Variants in NCBP1 observed in about 807,000 individuals in gnomAD.
NCBP1 encodes nuclear cap binding protein subunit 1.
Under a neutral mutation model 111.7 loss-of-function variants are expected in NCBP1, and 16 were observed. The observed-to-expected ratio is 0.14, with a 90% CI of 0.10 to 0.22. NCBP1 has a LOEUF of 0.22. NCBP1 is among the 10% of genes least tolerant of loss of function. The pLI, the probability that NCBP1 is intolerant of heterozygous loss-of-function variation, is 1.00. For synonymous variants in NCBP1, 304 were observed against 314.3 expected (o/e 0.97, Z 0.35); for missense variants, 607 against 957.5 (o/e 0.63, Z 4.83).
At chr9:97,640,116 A>G (rs2131332996) in intron 1 of NCBP1, among the ~76,000 whole-genome samples, 1 of 152,218 alleles carries the variant, frequency 6.6e-6, no homozygotes, top group Admixed American at 6.5e-5. Flanking sequence ...CGTTCCCATT[A>G]TTTAGGATAA....
At chr9:97,648,980 G>T (rs1397740973) in intron 8 of NCBP1, among the ~76,000 whole-genome samples, 1 of 152,112 alleles carries the variant, frequency 6.6e-6, no homozygotes, top group Non-Finnish European at 1.5e-5. Context: ...GGGCTTACAG[G>T]CATGAGCCAC....
chr9:97,670,335 T>C (rs997349966), intron 22 of NCBP1, among the ~76,000 whole-genome samples: 1 of 152,218 alleles, frequency 6.6e-6, no homozygotes, highest in Non-Finnish European at 1.5e-5. Flanking sequence ...TGTTATCCAA[T>C]GTGCAGGTGG....
chr9:97,654,424 T>A (rs987964620), intron 11 of NCBP1, among the ~76,000 whole-genome samples: 2 of 152,188 alleles, frequency 1.3e-5, no homozygotes, highest in African/African-American at 2.4e-5. Context: ...TATTATGGGA[T>A]TGCAGCAATT....
rs886804288 is a variant in NCBP1 at position 97,671,385 on chromosome 9, C to T, written c.*186C>T. Reference sequence around the variant, plus strand: ...GCCCTGAAAAGCAAATACTTCCTAACGGCAGTAATGTGACTATGACCATGA... The same window carrying T: ...GCCCTGAAAAGCAAATACTTCCTAATGGCAGTAATGTGACTATGACCATGA... On this transcript the variant is annotated 3_prime_UTR_variant, in exon 23 of 23. Transcript: ENST00000375147. The T allele has an allele frequency of 2.6e-5, 14 of 532,766 alleles. No individual in the cohort carries two copies. Among genetic ancestry groups the T allele is most frequent in the East Asian group, 1.3e-4 (4 of 31,642 alleles). 33.0% of individuals were successfully genotyped at this position (532,766 alleles called of 1,614,324 possible).
rs559748676 is a variant in NCBP1, at chr9:97,644,176, C to G, written c.381+816C>G. Among the ~76,000 whole-genome samples, 5 of 152,192 alleles carry G rather than the reference C, an allele frequency of 3.3e-5. No individual in the cohort carries two copies. The South Asian group carries it at 1.0e-3, about 32-fold the overall frequency. On this transcript the variant is annotated intron_variant, in intron 4 of 22. Coordinates refer to ENST00000375147, the MANE Select transcript of NCBP1 (RefSeq NM_002486.5). ...TGTGTTGAAGATATGTGATCAAATT[C>G]TTTTTTACTGAGTACACAATCAAAA... is the stretch of plus-strand genomic sequence containing the variant.
intron 1 of NCBP1, among the ~76,000 whole-genome samples, chr9:97,638,719 C>T (rs879259613): frequency 1.2e-4 from 18 of 152,094 alleles, no homozygotes; most frequent in Non-Finnish European, 2.2e-4. Flanking sequence ...ACATTCTTGG[C>T]CAGTTATTTG....
chr9:97,646,630 G>GT (rs959673927), intron 6 of NCBP1, among the ~76,000 whole-genome samples: 2 of 152,100 alleles, frequency 1.3e-5, no homozygotes, highest in African/African-American at 4.8e-5. Context: ...GAGGTCAGGA[G>GT]TTTGAGACCA....
At chr9:97,640,661 G>C (rs551676757) in intron 1 of NCBP1, 133 bp from the exon 2 acceptor site, 2 of 627,790 alleles carry the variant, frequency 3.2e-6, no homozygotes, top group Non-Finnish European at 5.4e-6. Flanking sequence ...GAGAAATGGA[G>C]GGTCTGTGAA....
intron 15 of NCBP1, among the ~76,000 whole-genome samples, chr9:97,659,619 T>A (rs1827774029): frequency 6.6e-6 from 1 of 152,208 alleles, no homozygotes; most frequent in African/African-American, 2.4e-5. Context: ...AATTCAGGCG[T>A]AGGTGCACTA....
intron 1 of NCBP1, among the ~76,000 whole-genome samples, chr9:97,636,637 C>CATATATATATATATATAT (rs377027165): frequency 3.6e-5 from 4 of 111,272 alleles, no homozygotes; most frequent in East Asian, 3.0e-4. Flanking sequence ...GAAAGTAATA[C>CATATATATATATATATAT]ATATATATAT....
In NCBP1 at chr9:97,669,625, A is replaced by G. The variant is rs897598359; in HGVS notation, c.2178A>G (p.Val726=). 1 of 1,612,500 alleles carries G rather than the reference A, an allele frequency of 6.2e-7. No individual in the cohort carries two copies. The highest frequency in any genetic ancestry group is 8.5e-7 in the Non-Finnish European group (1 of 1,178,690). ...RFIMILTEHL[V]RCETDGTSVL... is the part of the protein sequence containing the mutation. The stretch of plus-strand genomic sequence containing the variant: ...TCATGATCTTGACCGAGCACCTAGT[A>G]CGATGCGAAACTGATGGGACCAGTG... The change falls in exon 22 of 23, where the codon GTA becomes GTG. Residue 726 remains valine, a synonymous_variant. Transcript: ENST00000375147.
chr9:97,660,830 G>C, intron 15 of NCBP1, 116 bp from the exon 16 acceptor site: 2 of 1,202,756 alleles, frequency 1.7e-6, no homozygotes, highest in Admixed American at 5.0e-5. Flanking sequence ...GGGATAAAGA[G>C]CATCCTATTT....
Position 97,673,475 on chromosome 9 carries a change from T to C in NCBP1, c.*2276T>C, listed in dbSNP as rs1828258791. On this transcript the variant is annotated 3_prime_UTR_variant, in exon 23 of 23. Transcript: ENST00000375147. ...TTGTAGGTTTTAATTTCTTTTCTCT[T>C]GGTCCTCTCTTCATGTATAATGGTT... The C allele has an allele frequency of 6.6e-6, 1 of 152,212 alleles. No individual in the cohort carries two copies. Among genetic ancestry groups the C allele is most frequent in the African/African-American group, 2.4e-5 (1 of 41,454 alleles). The allele number at this position is 152,212 out of a possible 1,614,324, so 9.4% of individuals were successfully genotyped here.
intron 11 of NCBP1, 54 bp downstream of exon 11, chr9:97,653,962 T>G (rs1457393372): frequency 1.4e-6 from 2 of 1,455,322 alleles, no homozygotes; most frequent in Non-Finnish European, 1.9e-6. Flanking sequence ...CTTAAAAGAT[T>G]ATTAAATATT....
chr9:97,636,269 A>T (rs1478609440), intron 1 of NCBP1, among the ~76,000 whole-genome samples: 11 of 151,998 alleles, frequency 7.2e-5, no homozygotes, highest in African/African-American at 1.9e-4. Flanking sequence ...TCTATTTTTT[A>T]AAAAATAAAT....
At chr9:97,637,519 G>A (rs1310371609) in intron 1 of NCBP1, among the ~76,000 whole-genome samples, 4 of 152,146 alleles carry the variant, frequency 2.6e-5, no homozygotes, top group African/African-American at 9.7e-5. Context: ...TTAGAATTAG[G>A]TCCTTGTCTT....
rs759500235 is a variant in NCBP1 at position 97,653,915 on chromosome 9, TTTTC to T, written c.1170+11_1170+14del. On this transcript the variant is annotated splice_region_variant and intron_variant, in intron 11 of 22. Transcript: ENST00000375147. ...TGGCTCTCTACCCCAAGTTGTATCC[TTTTC>T]TTTATTTTTAAACTTAATCTCTTTG... is the stretch of plus-strand genomic sequence containing the variant. 69 of 1,585,722 alleles carry T rather than the reference TTTTC, an allele frequency of 4.4e-5. No individual in the cohort carries two copies. Among genetic ancestry groups the T allele is most frequent in the African/African-American group, 1.5e-4 (11 of 74,032 alleles).
At chr9:97,659,325 C>T (rs1827762322) in intron 15 of NCBP1, among the ~76,000 whole-genome samples, 1 of 152,150 alleles carries the variant, frequency 6.6e-6, no homozygotes, top group Non-Finnish European at 1.5e-5. Context: ...TTGCAGATTA[C>T]ACTTAACACA....
At chr9:97,646,698 G>T (rs1211698362) in intron 6 of NCBP1, among the ~76,000 whole-genome samples, 1 of 151,914 alleles carries the variant, frequency 6.6e-6, no homozygotes, top group Admixed American at 6.6e-5. Flanking sequence ...TTAGCCGAGC[G>T]TGGTGGTGGG....
Sources: gnomAD v4.1 joint callset for allele counts (sites outside exome capture counted in the v4.1 genomes callset) on GRCh38, gnomAD v4.1.1 for gene constraint, MANE v1.5 for transcripts, NCBI Gene and HGNC (gene_info 2026-07-23, HGNC 2026-07-21) for gene names.